The following USP49 variants were observed in gnomAD, a reference collection of about 807,000 sequenced individuals.
The protein encoded by USP49 is ubiquitin specific peptidase 49.
Under a neutral mutation model 58.6 loss-of-function variants are expected in USP49, and 24 were observed. The observed-to-expected ratio is 0.41, with a 90% CI of 0.30 to 0.58. The LOEUF (loss-of-function observed/expected upper bound fraction) is 0.58, where lower values mean the gene tolerates loss of function less well. Ranked by LOEUF, USP49 falls within the 20% of genes least tolerant of loss-of-function variation. The probability of loss-of-function intolerance (pLI) is 0.30; values close to 1 mark genes in which losing one functional copy is unlikely to be tolerated. For synonymous variants in USP49, 408 were observed against 365.1 expected, an observed-to-expected ratio of 1.12 and a Z score of -1.34; for missense variants, 703 against 866.1, an observed-to-expected ratio of 0.81 and a Z score of 2.36.
Position 41,871,059 on chromosome 6 carries a change from A to C in USP49, c.-29+505T>G, listed in dbSNP as rs113738228. Among the ~76,000 whole-genome samples, 1,176 of 152,106 alleles carry C rather than the reference A, an allele frequency of 7.7e-3. 16 individuals carry two copies. The highest frequency in any genetic ancestry group is 0.026 in the African/African-American group (1,082 of 41,480). ...GAGCAAGACTCCATCTCAAAACTAAATAAATAAATAAAAGAATTCCGGGCC... is the reference window on the plus strand; with the variant it reads ...GAGCAAGACTCCATCTCAAAACTAACTAAATAAATAAAAGAATTCCGGGCC... On this transcript the variant is annotated intron_variant, in intron 3 of 7. Transcript: ENST00000682992.
At chr6:41,850,719 C>A (rs1774012430) in intron 3 of USP49, among the ~76,000 whole-genome samples, 1 of 151,184 alleles carries the variant, frequency 6.6e-6, no homozygotes, top group African/African-American at 2.4e-5. Flanking sequence ...ATTCTCATGT[C>A]TCAGCCTCCT....
rs1450519592 is a variant in USP49 at position 41,792,469 on chromosome 6, T to G, written c.*4064A>C. On this transcript the variant is annotated 3_prime_UTR_variant, in exon 8 of 8. Coordinates refer to ENST00000682992, the MANE Select transcript of USP49 (RefSeq NM_001286554.2). ...TCCCAACCACCTGGGAAAGCAACCC[T>G]TCCACTCACAAGAGGTAACCTCAGA... 2.6e-5 allele frequency: 4 copies of G among 152,210 alleles called. No homozygotes were observed. The East Asian group carries it at 7.7e-4, about 29-fold the overall frequency. 9.4% of individuals were successfully genotyped at this position (152,210 alleles called of 1,614,324 possible). A position where few individuals can be genotyped will look rare whatever the true frequency, so the allele number is the denominator to read the frequency against.
At chr6:41,888,048 C>CTT (rs35468035) in intron 2 of USP49, among the ~76,000 whole-genome samples, 1,696 of 85,522 alleles carry the variant, frequency 0.02, 6 homozygotes, top group South Asian at 0.043. Flanking sequence ...TCACAATCAG[C>CTT]TTTTTTTTTT....
At chr6:41,843,519 G>A (rs1156530792) in intron 3 of USP49, among the ~76,000 whole-genome samples, 4 of 152,146 alleles carry the variant, frequency 2.6e-5, no homozygotes, top group African/African-American at 9.7e-5. Context: ...AATGTCACGT[G>A]CCTGTAGTCT....
intron 2 of USP49, among the ~76,000 whole-genome samples, chr6:41,890,378 C>CAAA (rs34841111): frequency 2.2e-5 from 3 of 135,622 alleles, no homozygotes; most frequent in Non-Finnish European, 1.6e-5. Flanking sequence ...TACTCCAACT[C>CAAA]AAAAAAAAAA....
At chr6:41,820,313 A>G (rs753500728) in intron 3 of USP49, among the ~76,000 whole-genome samples, 7 of 152,160 alleles carry the variant, frequency 4.6e-5, no homozygotes, top group Non-Finnish European at 7.3e-5. Context: ...CAATAAACAC[A>G]TCAGTCACCC....
intron 3 of USP49, among the ~76,000 whole-genome samples, chr6:41,861,219 G>A (rs369817391): frequency 2.3e-4 from 35 of 152,080 alleles, no homozygotes; most frequent in African/African-American, 7.2e-4. Context: ...CGAGGCAGGC[G>A]GATCACGAGG....
rs1774815062 is a variant in USP49, at chr6:41,891,817, T to G, written c.-126A>C. 6.6e-6 allele frequency: 1 copy of G among 152,216 alleles called. No individual in the cohort carries two copies. Among genetic ancestry groups the G allele is most frequent in the African/African-American group, 2.4e-5 (1 of 41,456 alleles). 9.4% of individuals were successfully genotyped at this position (152,216 alleles called of 1,614,324 possible). ...ACCTGGAATGATTTAAGTGGGATAT[T>G]GACTGGAGTTGCAGGATAAACTAGA... On this transcript the variant is annotated 5_prime_UTR_variant, in exon 2 of 8. Coordinates refer to ENST00000682992, the MANE Select transcript of USP49 (RefSeq NM_001286554.2).
Position 41,864,333 on chromosome 6 carries a change from C to T in USP49, c.-29+7231G>A, listed in dbSNP as rs9394836. On this transcript the variant is annotated intron_variant, in intron 3 of 7. Coordinates refer to ENST00000682992, the MANE Select transcript of USP49 (RefSeq NM_001286554.2). The stretch of plus-strand genomic sequence containing the variant: ...ATCCCAGCACTTTGGGAGGCTGAGG[C>T]GGGCGGATCACCTGAGGTCAGGAGT... Among the ~76,000 whole-genome samples, 5 of 152,150 alleles carry T rather than the reference C, an allele frequency of 3.3e-5. No individual in the cohort carries two copies. The East Asian group carries it at 7.7e-4, about 24-fold the overall frequency.
chr6:41,895,034 C>A (rs1478071381), intron 1 of USP49, among the ~76,000 whole-genome samples: 1 of 148,670 alleles, frequency 6.7e-6, no homozygotes, highest in Non-Finnish European at 1.5e-5. Context: ...CCGCCGCCCC[C>A]GCCCCGGGCG....
At chr6:41,848,247 C>T (rs1054048609) in intron 3 of USP49, among the ~76,000 whole-genome samples, 6 of 151,502 alleles carry the variant, frequency 4.0e-5, no homozygotes, top group Non-Finnish European at 7.4e-5. Flanking sequence ...CAACATACAT[C>T]GCTACAAAAA....
At chr6:41,890,445 G>C (rs994720829) in intron 2 of USP49, among the ~76,000 whole-genome samples, 1 of 151,992 alleles carries the variant, frequency 6.6e-6, no homozygotes, top group Non-Finnish European at 1.5e-5. Flanking sequence ...AGGCGCGGTG[G>C]CTCACATCTG....
At chr6:41,867,471 C>T (rs995905015) in intron 3 of USP49, among the ~76,000 whole-genome samples, 8 of 151,400 alleles carry the variant, frequency 5.3e-5, no homozygotes, top group Admixed American at 4.0e-4. Flanking sequence ...TGGCCGGGCG[C>T]GGTGGCTCAA....
intron 3 of USP49, among the ~76,000 whole-genome samples, chr6:41,867,668 C>A (rs1212978797): frequency 6.6e-6 from 1 of 151,434 alleles, no homozygotes; most frequent in Non-Finnish European, 1.5e-5. Context: ...AGGAGAATGG[C>A]GTGAACCCAG....
At chr6:41,859,568 G>A (rs1057475939) in intron 3 of USP49, among the ~76,000 whole-genome samples, 1 of 152,072 alleles carries the variant, frequency 6.6e-6, no homozygotes, top group African/African-American at 2.4e-5. Flanking sequence ...CAAACCTGAA[G>A]AAGACATCGT....
intron 1 of USP49, chr6:41,894,383 C>T (rs1245505906): frequency 6.6e-6 from 1 of 152,372 alleles, no homozygotes; most frequent in African/African-American, 2.4e-5. Context: ...TTTCGCCCTT[C>T]CACCACACTC....
At chr6:41,828,342 G>A (rs1434412707) in intron 3 of USP49, among the ~76,000 whole-genome samples, 1 of 152,106 alleles carries the variant, frequency 6.6e-6, no homozygotes, top group Non-Finnish European at 1.5e-5. Context: ...CCAGCTACTT[G>A]GGAGGCTGAG....
chr6:41,807,944 T>A (rs1025316896), intron 3 of USP49, among the ~76,000 whole-genome samples: 1 of 150,836 alleles, frequency 6.6e-6, no homozygotes, highest in East Asian at 2.0e-4. Context: ...CCCGGCTAAT[T>A]TTTTTGTATT....
At chr6:41,829,474 C>T (rs907209671) in intron 3 of USP49, among the ~76,000 whole-genome samples, 3 of 152,038 alleles carry the variant, frequency 2.0e-5, no homozygotes, top group South Asian at 2.1e-4. Flanking sequence ...ACACAATGCC[C>T]GGCTAATTTT....
Sources: gnomAD v4.1 joint callset for allele counts (sites outside exome capture counted in the v4.1 genomes callset) on GRCh38, gnomAD v4.1.1 for gene constraint, MANE v1.5 for transcripts, NCBI Gene and HGNC (gene_info 2026-07-23, HGNC 2026-07-21) for gene names.